Variants in RANBP2 observed in about 807,000 individuals in gnomAD.
The protein encoded by RANBP2 is RAN binding protein 2, also known as E3 SUMO-protein ligase RanBP2.
RANBP2 carries 57 observed loss-of-function variants against 303.6 expected under a neutral mutation model. The observed-to-expected ratio is 0.19, with a 90% confidence interval of 0.15 to 0.23. The LOEUF is 0.23. RANBP2 is among the 10% of genes least tolerant of loss of function. The pLI is 1.00. For missense variants in RANBP2, 3,138 were observed against 3,780.8 expected (o/e 0.83, Z 4.46); for synonymous variants, 1,167 against 1,301.5 (o/e 0.90, Z 2.23).
chr2:108,750,735 G>A (rs1461887953), intron 9 of RANBP2, among the ~76,000 whole-genome samples: 3 of 152,020 alleles, frequency 2.0e-5, no homozygotes, highest in Admixed American at 1.3e-4. Flanking sequence ...CTATAGGCAC[G>A]TGACACCATG....
chr2:108,877,461 G>A, the RANBP2 span, among the ~76,000 whole-genome samples: 3 of 151,982 alleles, frequency 2.0e-5, no homozygotes, highest in Non-Finnish European at 4.4e-5. Context: ...GTGAGATTCT[G>A]TCTCAAAAAA....
chr2:109,257,909 G>T, the RANBP2 span, among the ~76,000 whole-genome samples: 1 of 152,118 alleles, frequency 6.6e-6, no homozygotes, highest in East Asian at 1.9e-4. Flanking sequence ...GGCCAGGGCT[G>T]TCCTGGGCTC....
the RANBP2 span, among the ~76,000 whole-genome samples, chr2:109,221,895 T>C: frequency 1.4e-4 from 21 of 152,046 alleles, no homozygotes; most frequent in Admixed American, 9.2e-4. Context: ...ATCAAAGGGA[T>C]ACCTGCACCC....
At chr2:109,533,455 T>C in the RANBP2 span, among the ~76,000 whole-genome samples, 1 of 152,232 alleles carries the variant, frequency 6.6e-6, no homozygotes, top group Non-Finnish European at 1.5e-5. Flanking sequence ...CAAGAACATC[T>C]ATCTTCTGGC....
chr2:109,015,673 G>A, the RANBP2 span, among the ~76,000 whole-genome samples: 6 of 152,010 alleles, frequency 3.9e-5, no homozygotes, highest in Non-Finnish European at 8.8e-5. Flanking sequence ...CAGGAGAATC[G>A]CTTAAACTCA....
chr2:109,731,432 T>C, the RANBP2 span, among the ~76,000 whole-genome samples: 1 of 152,140 alleles, frequency 6.6e-6, no homozygotes, highest in Non-Finnish European at 1.5e-5. Flanking sequence ...TCTCACTCTG[T>C]TGCCCAGGCT....
the RANBP2 span, among the ~76,000 whole-genome samples, chr2:109,106,598 A>G: frequency 6.6e-6 from 1 of 152,062 alleles, no homozygotes; most frequent in Non-Finnish European, 1.5e-5. Context: ...GCACTTTGGG[A>G]GGCTAAGATG....
the RANBP2 span, among the ~76,000 whole-genome samples, chr2:109,443,104 ATTGC>A: frequency 2.0e-5 from 3 of 152,254 alleles, no homozygotes; most frequent in African/African-American, 7.2e-5. Context: ...ATACTGAACT[ATTGC>A]TTCTAGGTGA....
chr2:109,145,811 G>A, the RANBP2 span, among the ~76,000 whole-genome samples: 1 of 152,210 alleles, frequency 6.6e-6, no homozygotes, highest in Non-Finnish European at 1.5e-5. Context: ...CAGGGGTGTA[G>A]TGGCCAGTGG....
chr2:109,488,083 A>G, the RANBP2 span, among the ~76,000 whole-genome samples: 2 of 152,266 alleles, frequency 1.3e-5, no homozygotes, highest in South Asian at 4.1e-4. Context: ...GGAGGGGAGG[A>G]GCGGCCAGCA....
At chr2:109,058,220 C>G in the RANBP2 span, among the ~76,000 whole-genome samples, 2 of 152,230 alleles carry the variant, frequency 1.3e-5, no homozygotes, top group African/African-American at 2.4e-5. Context: ...CCCCTTCTCT[C>G]TCAGTGTGAC....
the RANBP2 span, among the ~76,000 whole-genome samples, chr2:109,348,503 C>T: frequency 6.6e-6 from 1 of 152,192 alleles, no homozygotes; most frequent in Non-Finnish European, 1.5e-5. Flanking sequence ...ATAGCACTGA[C>T]AGGTGAAATT....
the RANBP2 span, among the ~76,000 whole-genome samples, chr2:109,403,118 G>A: frequency 1.8e-4 from 27 of 152,200 alleles, no homozygotes; most frequent in Non-Finnish European, 2.4e-4. Context: ...GGAAGCGTGC[G>A]TCTGTGGTTT....
the RANBP2 span, among the ~76,000 whole-genome samples, chr2:109,495,596 C>G: frequency 7.3e-6 from 1 of 137,180 alleles, no homozygotes; most frequent in South Asian, 2.5e-4. Flanking sequence ...TTAAGCAATT[C>G]TTGTGCCCAG....
chr2:109,504,664 G>C, the RANBP2 span: 1 of 152,216 alleles, frequency 6.6e-6, no homozygotes, highest in African/African-American at 2.4e-5. Flanking sequence ...GGAGGAGCAG[G>C]GTCCAGCAGA....
At chr2:109,507,504 T>C in the RANBP2 span, among the ~76,000 whole-genome samples, 12 of 152,220 alleles carry the variant, frequency 7.9e-5, no homozygotes, top group Non-Finnish European at 1.6e-4. Flanking sequence ...GGCTGAGTTC[T>C]GCTGACTGTC....
At chr2:109,004,486 G>C in the RANBP2 span, among the ~76,000 whole-genome samples, 1 of 152,216 alleles carries the variant, frequency 6.6e-6, no homozygotes, top group Non-Finnish European at 1.5e-5. Context: ...CATGCTTCAG[G>C]TGTTCTTGTG....
the RANBP2 span, among the ~76,000 whole-genome samples, chr2:109,500,677 G>A: frequency 5.9e-5 from 9 of 152,182 alleles, no homozygotes; most frequent in African/African-American, 2.2e-4. Context: ...GGTTAGGCAC[G>A]GTGGCTCATG....
At chr2:109,585,841 G>A in the RANBP2 span, 2 of 1,606,532 alleles carry the variant, frequency 1.2e-6, no homozygotes. Context: ...TCTCTTTTCT[G>A]AAGGAAAATA....
Sources: allele counts gnomAD v4.1 joint callset (sites outside exome capture counted in the v4.1 genomes callset), GRCh38; gene constraint gnomAD v4.1.1; transcripts MANE v1.5; gene names NCBI Gene and HGNC (gene_info 2026-07-23, HGNC 2026-07-21).